RAP1A: variants seen among roughly 807,000 people sequenced by gnomAD.
RAP1A encodes the protein ras-related protein Rap-1A.
RAP1A carries 6 observed loss-of-function variants against 26.4 expected under a neutral mutation model. That is an observed-to-expected ratio of 0.23 (90% CI 0.12 to 0.45). RAP1A has a LOEUF of 0.45. RAP1A is among the 20% of genes least tolerant of loss of function. RAP1A has a pLI of 0.99. For synonymous variants in RAP1A, 73 were observed against 79.4 expected (o/e 0.92, Z 0.43); for missense variants, 121 against 217.2 (o/e 0.56, Z 2.78).
intron 1 of RAP1A, among the ~76,000 whole-genome samples, chr1:111,670,197 C>A (rs557442083): frequency 2.0e-5 from 3 of 152,176 alleles, no homozygotes; most frequent in South Asian, 4.1e-4. Context: ...TGGTCCCAGG[C>A]GCATTGGTGC....
intron 1 of RAP1A, among the ~76,000 whole-genome samples, chr1:111,680,220 A>C (rs774345403): frequency 8.5e-5 from 13 of 152,200 alleles, no homozygotes; most frequent in Non-Finnish European, 1.6e-4. Context: ...GCACGGACCC[A>C]AAGAGTGAGC....
chr1:111,554,776 T>C (rs1657412576), intron 1 of RAP1A, among the ~76,000 whole-genome samples: 1 of 152,140 alleles, frequency 6.6e-6, no homozygotes, highest in Non-Finnish European at 1.5e-5. Flanking sequence ...GTGATTCAGG[T>C]TGGTAGACCC....
At chr1:111,609,750 C>T (rs1431658008) in intron 1 of RAP1A, among the ~76,000 whole-genome samples, 1 of 152,184 alleles carries the variant, frequency 6.6e-6, no homozygotes, top group Non-Finnish European at 1.5e-5. Flanking sequence ...ATTCTCCTGC[C>T]TCAGCCTCCT....
At chr1:111,670,872 G>C (rs867573482) in intron 1 of RAP1A, among the ~76,000 whole-genome samples, 1 of 152,222 alleles carries the variant, frequency 6.6e-6, no homozygotes, top group African/African-American at 2.4e-5. Flanking sequence ...AGTCTATCAA[G>C]ACGACTTGTC....
At chr1:111,624,194 A>G (rs958577576) in intron 1 of RAP1A, among the ~76,000 whole-genome samples, 2 of 152,162 alleles carry the variant, frequency 1.3e-5, no homozygotes, top group African/African-American at 4.8e-5. Flanking sequence ...GCTTATTCTG[A>G]TGTCATATAA....
At chr1:111,610,573 CACACA>C (rs1557864921) in intron 1 of RAP1A, among the ~76,000 whole-genome samples, 4 of 139,950 alleles carry the variant, frequency 2.9e-5, no homozygotes, top group Non-Finnish European at 3.1e-5. Flanking sequence ...CACACACACA[CACACA>C]CACCCAACAC....
intron 1 of RAP1A, among the ~76,000 whole-genome samples, chr1:111,558,648 T>C (rs1429167491): frequency 6.8e-6 from 1 of 147,030 alleles, no homozygotes; most frequent in African/African-American, 2.7e-5. Context: ...AGACAAAAAT[T>C]TTGCTAAAAT....
At chr1:111,598,198 G>A (rs1658594667) in intron 1 of RAP1A, among the ~76,000 whole-genome samples, 1 of 152,124 alleles carries the variant, frequency 6.6e-6, no homozygotes, top group South Asian at 2.1e-4. Context: ...ATAATCAAAT[G>A]TTATATATGT....
At chr1:111,662,754 T>G (rs1277160282) in intron 1 of RAP1A, among the ~76,000 whole-genome samples, 1 of 152,254 alleles carries the variant, frequency 6.6e-6, no homozygotes, top group Non-Finnish European at 1.5e-5. Flanking sequence ...ATTAAATATG[T>G]TGTTTACTTA....
chr1:111,632,107 G>C (rs1358420644), intron 1 of RAP1A, among the ~76,000 whole-genome samples: 1 of 152,104 alleles, frequency 6.6e-6, no homozygotes, highest in African/African-American at 2.4e-5. Flanking sequence ...AGTGGGGCAG[G>C]GTTGGTGGCA....
intron 1 of RAP1A, among the ~76,000 whole-genome samples, chr1:111,551,173 GT>G (rs1313553271): frequency 2.0e-5 from 3 of 150,870 alleles, no homozygotes; most frequent in African/African-American, 7.3e-5. Context: ...GTTGGATCAT[GT>G]TTTTTTTTGA....
intron 1 of RAP1A, among the ~76,000 whole-genome samples, chr1:111,558,517 A>C (rs955817691): frequency 1.3e-5 from 2 of 152,196 alleles, no homozygotes; most frequent in Non-Finnish European, 2.9e-5. Context: ...ACTTTTTAAA[A>C]TCCACATTTG....
intron 1 of RAP1A, among the ~76,000 whole-genome samples, chr1:111,621,812 G>C (rs1430847708): frequency 6.6e-6 from 1 of 152,166 alleles, no homozygotes; most frequent in African/African-American, 2.4e-5. Flanking sequence ...TCTTAGAAGT[G>C]AACTGGATGG....
intron 1 of RAP1A, among the ~76,000 whole-genome samples, chr1:111,583,604 A>G (rs1658304861): frequency 1.3e-5 from 2 of 152,202 alleles, no homozygotes; most frequent in Admixed American, 1.3e-4. Flanking sequence ...CATTTCACAC[A>G]AAAGATTAAT....
At chr1:111,591,949 C>G (rs1260538989) in intron 1 of RAP1A, among the ~76,000 whole-genome samples, 2 of 152,218 alleles carry the variant, frequency 1.3e-5, no homozygotes, top group African/African-American at 2.4e-5. Context: ...ATTCGAAGTT[C>G]AGAGCCCCAT....
At chr1:111,542,508 A>G (rs1334064525) in exon 1 of RAP1A, 1 of 197,478 alleles carries the variant, frequency 5.1e-6, no homozygotes, top group Non-Finnish European at 1.1e-5. Context: ...AGTCAGCAGA[A>G]GGTGGGAAAT....
intron 1 of RAP1A, among the ~76,000 whole-genome samples, chr1:111,668,701 G>C (rs904859221): frequency 1.3e-5 from 2 of 152,088 alleles, no homozygotes; most frequent in African/African-American, 4.8e-5. Flanking sequence ...GTTACAAATA[G>C]CTTTTTTGTG....
chr1:111,664,970 A>G (rs1157143400), intron 1 of RAP1A, among the ~76,000 whole-genome samples: 1 of 152,246 alleles, frequency 6.6e-6, no homozygotes, highest in African/African-American at 2.4e-5. Flanking sequence ...ATCTAGAGAC[A>G]TAGGTTTGAA....
intron 1 of RAP1A, chr1:111,602,333 C>T (rs1021630578): frequency 7.2e-5 from 11 of 152,124 alleles, no homozygotes; most frequent in Non-Finnish European, 1.2e-4. Context: ...CTCATGGTTT[C>T]CTAATTGCAA....
Sources: allele counts gnomAD v4.1 joint callset (sites outside exome capture counted in the v4.1 genomes callset), GRCh38; gene constraint gnomAD v4.1.1; transcripts MANE v1.5; gene names NCBI Gene and HGNC (gene_info 2026-07-23, HGNC 2026-07-21).